The following USP34 variants were observed in gnomAD, a reference collection of about 807,000 sequenced individuals.
USP34 encodes ubiquitin carboxyl-terminal hydrolase 34.
In USP34, 70 loss-of-function variants were observed where a neutral mutation model predicts 460.3. The observed-to-expected ratio is 0.15, with a 90% confidence interval of 0.13 to 0.19. The LOEUF is 0.19. Among genes scored for constraint, USP34 ranks in the 10% least tolerant of loss-of-function variants. The probability of loss-of-function intolerance (pLI) is 1.00; values close to 1 mark genes in which losing one functional copy is unlikely to be tolerated. For missense variants in USP34, 3,985 were observed against 4,236.2 expected (o/e 0.94, Z 1.65); for synonymous variants, 1,647 against 1,405.3 (o/e 1.17, Z -3.85).
chr2:61,246,694 A>G (rs1387281089), intron 49 of USP34, among the ~76,000 whole-genome samples: 1 of 152,220 alleles, frequency 6.6e-6, no homozygotes, highest in Non-Finnish European at 1.5e-5. Flanking sequence ...AATAGGTACA[A>G]AACAACTATC....
At chr2:61,367,395 A>C (rs867076617) in intron 10 of USP34, among the ~76,000 whole-genome samples, 19 of 152,206 alleles carry the variant, frequency 1.2e-4, no homozygotes, top group African/African-American at 4.6e-4. Flanking sequence ...TGAAAGGCTC[A>C]CTTGAGCCCA....
At chr2:61,396,400 A>G (rs1693527773) in intron 3 of USP34, among the ~76,000 whole-genome samples, 2 of 152,326 alleles carry the variant, frequency 1.3e-5, no homozygotes, top group African/African-American at 4.8e-5. Context: ...ACTGGAAAAT[A>G]TACGCATAAC....
chr2:61,338,039 C>T (rs545119423), intron 18 of USP34, among the ~76,000 whole-genome samples: 1 of 152,034 alleles, frequency 6.6e-6, no homozygotes, highest in Non-Finnish European at 1.5e-5. Context: ...GAATATATAC[C>T]GGCCAGGCAC....
At chr2:61,293,831 A>G (rs1689934959) in intron 32 of USP34, among the ~76,000 whole-genome samples, 1 of 152,062 alleles carries the variant, frequency 6.6e-6, no homozygotes. Context: ...CCTAGACAAC[A>G]TAGGAAGACC....
intron 1 of USP34, among the ~76,000 whole-genome samples, chr2:61,427,655 T>G (rs1227863980): frequency 6.6e-6 from 1 of 152,124 alleles, no homozygotes; most frequent in Non-Finnish European, 1.5e-5. Context: ...GTAAGAAGAC[T>G]CCAGCAGAAA....
chr2:61,233,409 C>T (rs1254472532), intron 57 of USP34, among the ~76,000 whole-genome samples: 1 of 152,050 alleles, frequency 6.6e-6, no homozygotes, highest in African/African-American at 2.4e-5. Flanking sequence ...TTAAGGAAGA[C>T]TTAACAAACA....
chr2:61,274,031 A>G (rs1404417286), intron 41 of USP34, among the ~76,000 whole-genome samples: 1 of 151,984 alleles, frequency 6.6e-6, no homozygotes, highest in Non-Finnish European at 1.5e-5. Context: ...TTAAAAGTAT[A>G]ACACAGTATC....
intron 49 of USP34, among the ~76,000 whole-genome samples, chr2:61,246,990 A>C (rs978707267): frequency 6.6e-6 from 1 of 152,186 alleles, no homozygotes; most frequent in Non-Finnish European, 1.5e-5. Context: ...CCTTTTAAAA[A>C]AAAGGAAAAC....
intron 3 of USP34, among the ~76,000 whole-genome samples, chr2:61,401,540 ATTTTTTTTTTT>A (rs1156550372): frequency 2.2e-4 from 14 of 62,438 alleles, no homozygotes; most frequent in African/African-American, 9.1e-4. Context: ...ACCTGGCCCT[ATTTTTTTTTTT>A]TTTTTTTTTT....
At chr2:61,339,321 T>C in intron 18 of USP34, 30 bp downstream of exon 18, 1 of 1,594,820 alleles carries the variant, frequency 6.3e-7, no homozygotes, top group African/African-American at 1.4e-5. Flanking sequence ...CTTTGACTAC[T>C]GCATTAAAAA....
At chr2:61,420,644 G>A (rs1694327661) in intron 2 of USP34, 102 bp downstream of exon 2, 4 of 627,410 alleles carry the variant, frequency 6.4e-6, no homozygotes, top group Admixed American at 6.2e-5. Context: ...AGTAACTAAT[G>A]GTATCTAACC....
intron 32 of USP34, among the ~76,000 whole-genome samples, 179 bp from the exon 33 acceptor site, chr2:61,293,729 T>C (rs1309145635): frequency 6.6e-6 from 1 of 152,090 alleles, no homozygotes. Flanking sequence ...TTTCAAGAAT[T>C]TAAGGGTGGG....
intron 3 of USP34, among the ~76,000 whole-genome samples, chr2:61,404,278 CAAAAA>C (rs1051250432): frequency 1.3e-5 from 2 of 151,524 alleles, no homozygotes; most frequent in Non-Finnish European, 2.9e-5. Context: ...AAAAAACAAA[CAAAAA>C]AAATGTCATA....
chr2:61,389,068 C>A (rs190398940), intron 5 of USP34, among the ~76,000 whole-genome samples: 3 of 152,016 alleles, frequency 2.0e-5, no homozygotes, highest in African/African-American at 7.2e-5. Context: ...ATGGTGAAAA[C>A]AGACAAAACC....
In USP34 at chr2:61,211,928, G is replaced by A; in HGVS notation, c.8684C>T (p.Ala2895Val). 1.3e-6 allele frequency: 2 copies of A among 1,597,656 alleles called. No individual in the cohort carries two copies. The highest frequency in any genetic ancestry group is 1.7e-6 in the Non-Finnish European group (2 of 1,175,492). ...CATCAGGTTAAACAGTTCTTCTACT[G>A]CCTAAAAAAGCCAAATAAGCCATAT... Reference protein sequence around the residue: ...LTPHASQYPGAVEELFNLMQL... With the variant: ...LTPHASQYPGVVEELFNLMQL... The change falls in exon 69 of 80, where the codon GCA becomes GTA. Residue 2895 changes from alanine to valine, a missense_variant and splice_region_variant. By Grantham distance (64) the Ala-to-Val change is moderately conservative (BLOSUM62 0). This residue lies in a region of USP34 where 275 missense variants were observed against 292.7 expected (regional missense o/e 0.94). Transcript: ENST00000398571.
At chr2:61,428,661 A>G (rs1254323776) in intron 1 of USP34, among the ~76,000 whole-genome samples, 1 of 152,268 alleles carries the variant, frequency 6.6e-6, no homozygotes, top group Admixed American at 6.5e-5. Context: ...AAAATCTGCA[A>G]AATCCAGATG....
At chr2:61,229,471 A>AAC in intron 59 of USP34, 77 bp downstream of exon 59, 1 of 693,384 alleles carries the variant, frequency 1.4e-6, no homozygotes, top group Non-Finnish European at 2.0e-6. Flanking sequence ...AAAAAAAAAA[A>AAC]AAAACAAAAA....
At chr2:61,248,157 G>A (rs1348590083) in intron 49 of USP34, among the ~76,000 whole-genome samples, 21 of 132,504 alleles carry the variant, frequency 1.6e-4, no homozygotes, top group African/African-American at 5.7e-4. Context: ...TCCAGCCTAG[G>A]AGACAAAATA....
At chr2:61,392,537 C>A (rs1230857526) in intron 5 of USP34, among the ~76,000 whole-genome samples, 1 of 151,872 alleles carries the variant, frequency 6.6e-6, no homozygotes, top group Non-Finnish European at 1.5e-5. Flanking sequence ...GGCAGGACAA[C>A]TGCTTGAACC....
Sources: allele counts gnomAD v4.1 joint callset (sites outside exome capture counted in the v4.1 genomes callset), GRCh38; gene constraint gnomAD v4.1.1; regional missense constraint gnomAD v4.1.1; transcripts MANE v1.5; gene names NCBI Gene and HGNC (gene_info 2026-07-23, HGNC 2026-07-21).